SPHKAP: variants seen among roughly 807,000 people sequenced by gnomAD.
SPHKAP encodes A-kinase anchor protein SPHKAP.
Under a neutral mutation model 137.5 loss-of-function variants are expected in SPHKAP, and 67 were observed. The observed-to-expected ratio is 0.49, with a 90% CI of 0.40 to 0.60. The LOEUF is 0.60. Among genes scored for constraint, SPHKAP ranks in the 20% least tolerant of loss-of-function variants. The probability of loss-of-function intolerance (pLI) is 0.00; values close to 1 mark genes in which losing one functional copy is unlikely to be tolerated. For synonymous variants in SPHKAP, 813 were observed against 785.3 expected (o/e 1.04, Z -0.59); for missense variants, 2,097 against 2,069.3 (o/e 1.01, Z -0.26).
chr2:228,109,309 A>C (rs557186505), intron 2 of SPHKAP: 1 of 925,182 alleles, frequency 1.1e-6, no homozygotes, highest in Non-Finnish European at 1.3e-6. Context: ...ACACTCCATA[A>C]GTATTTTCAA....
chr2:227,996,488 CTGAT>C (rs1693645339), intron 7 of SPHKAP, among the ~76,000 whole-genome samples: 1 of 152,182 alleles, frequency 6.6e-6, no homozygotes, highest in East Asian at 1.9e-4. Context: ...ATAGCTGGCT[CTGAT>C]TGATTTCCTG....
intron 7 of SPHKAP, among the ~76,000 whole-genome samples, chr2:228,001,260 C>CAT (rs199962441): frequency 0.16 from 21,487 of 133,930 alleles, 1,669 homozygotes; most frequent in South Asian, 0.18. Context: ...CACACACACA[C>CAT]ACATATATAA....
At chr2:228,070,286 T>G (rs60972972) in intron 3 of SPHKAP, among the ~76,000 whole-genome samples, 2,809 of 152,278 alleles carry the variant, frequency 0.018, 83 homozygotes, top group African/African-American at 0.062. Context: ...ATGTCGAATA[T>G]GCTGAGGAGG....
At chr2:228,065,269 A>C (rs957893516) in intron 3 of SPHKAP, among the ~76,000 whole-genome samples, 2 of 152,184 alleles carry the variant, frequency 1.3e-5, no homozygotes, top group African/African-American at 2.4e-5. Flanking sequence ...TTTCCAACAC[A>C]CATGAAACAG....
At chr2:228,168,430 G>A (rs4325741) in intron 1 of SPHKAP, among the ~76,000 whole-genome samples, 147,603 of 152,238 alleles carry the variant, frequency 0.97, 71,724 homozygotes, top group East Asian at 1. Context: ...TGTGTGTTAC[G>A]TTTTGAAAAT....
chr2:228,103,427 T>C (rs1277385852), intron 3 of SPHKAP, among the ~76,000 whole-genome samples: 3 of 152,196 alleles, frequency 2.0e-5, no homozygotes, highest in Non-Finnish European at 4.4e-5. Flanking sequence ...GTAGGTCCCT[T>C]CTGCACCCAC....
At chr2:228,052,010 A>G (rs1003367368) in intron 3 of SPHKAP, among the ~76,000 whole-genome samples, 8 of 152,172 alleles carry the variant, frequency 5.3e-5, no homozygotes, top group South Asian at 2.1e-4. Flanking sequence ...TGACACAAAC[A>G]TTTAGACCAT....
chr2:227,998,401 C>T (rs1031738107), intron 7 of SPHKAP, among the ~76,000 whole-genome samples: 1 of 152,190 alleles, frequency 6.6e-6, no homozygotes, highest in Admixed American at 6.5e-5. Context: ...AATTTGTCTG[C>T]AGACTACTTA....
intron 7 of SPHKAP, among the ~76,000 whole-genome samples, chr2:227,999,456 T>C (rs187510830): frequency 9.7e-4 from 147 of 152,278 alleles, no homozygotes; most frequent in African/African-American, 3.2e-3. Flanking sequence ...AAGAACCAGA[T>C]ACAAAGGAGA....
chr2:228,159,174 T>C lies in SPHKAP; in HGVS notation c.32+22393A>G, dbSNP rs569136679. On this transcript the variant is annotated intron_variant, in intron 1 of 11. Coordinates refer to ENST00000392056, the MANE Select transcript of SPHKAP (RefSeq NM_001142644.2). ...CAGACACTGTCCAGTTTCCTAAATA[T>C]GGTGTGAAGGCAAAAATTGTACCAA... 2.0e-4 allele frequency among the ~76,000 whole-genome samples: 31 copies of C among 152,258 alleles called. No individual in the cohort carries two copies. In the South Asian group the frequency reaches 5.8e-3, roughly 29 times the overall value.
intron 3 of SPHKAP, among the ~76,000 whole-genome samples, chr2:228,089,625 C>T (rs1377655856): frequency 6.6e-6 from 1 of 152,208 alleles, no homozygotes; most frequent in African/African-American, 2.4e-5. Context: ...CTTCCCATCA[C>T]AGGCCCAGAG....
chr2:228,140,294 C>T (rs1487467110), intron 1 of SPHKAP, among the ~76,000 whole-genome samples: 2 of 150,480 alleles, frequency 1.3e-5, no homozygotes, highest in African/African-American at 4.9e-5. Context: ...ATATATTTTT[C>T]AGATAGTCAA....
chr2:228,156,730 G>A (rs1257366940), intron 1 of SPHKAP, among the ~76,000 whole-genome samples: 2 of 152,108 alleles, frequency 1.3e-5, no homozygotes, highest in African/African-American at 4.8e-5. Flanking sequence ...CATGGGAGTA[G>A]GTCTTTTCTG....
intron 7 of SPHKAP, among the ~76,000 whole-genome samples, chr2:227,998,412 C>G (rs1180037715): frequency 1.3e-5 from 2 of 152,124 alleles, no homozygotes; most frequent in African/African-American, 4.8e-5. Context: ...AGACTACTTA[C>G]AAGGTCATCA....
At chr2:228,116,697 G>C (rs1698721682) in intron 2 of SPHKAP, among the ~76,000 whole-genome samples, 1 of 152,108 alleles carries the variant, frequency 6.6e-6, no homozygotes, top group Non-Finnish European at 1.5e-5. Flanking sequence ...AGTTTTATGG[G>C]CTTTTTGCCA....
chr2:228,023,121 T>C (rs1426461616), intron 5 of SPHKAP, among the ~76,000 whole-genome samples: 1 of 152,232 alleles, frequency 6.6e-6, no homozygotes, highest in Non-Finnish European at 1.5e-5. Flanking sequence ...ACATTGTCAC[T>C]ATTCATATTA....
chr2:228,025,647 TACC>T, intron 4 of SPHKAP, 119 bp from the exon 5 acceptor site: 1 of 1,188,610 alleles, frequency 8.4e-7, no homozygotes, highest in South Asian at 2.2e-5. Context: ...CTGCTTAATC[TACC>T]AAGATTCTTA....
chr2:228,003,750 T>C (rs921122787), intron 7 of SPHKAP, among the ~76,000 whole-genome samples: 8 of 152,164 alleles, frequency 5.3e-5, no homozygotes, highest in African/African-American at 1.9e-4. Flanking sequence ...AATACCTAAT[T>C]TATTGAGAGT....
At position 228,061,243 on chromosome 2, in the gene SPHKAP, T is replaced by A. The variant is rs566441266; in HGVS notation, c.247-33700A>T. 2.5e-4 allele frequency among the ~76,000 whole-genome samples: 38 copies of A among 151,218 alleles called. No homozygotes were observed. In the South Asian group the frequency reaches 7.8e-3, roughly 31 times the overall value. ...AAGTCAATTCACTTTACTATTATTA[T>A]CATTATTATTTTATTTTATTTATTT... On this transcript the variant is annotated intron_variant, in intron 3 of 11. Coordinates refer to ENST00000392056, the MANE Select transcript of SPHKAP (RefSeq NM_001142644.2).
Sources: allele counts gnomAD v4.1 joint callset (sites outside exome capture counted in the v4.1 genomes callset), GRCh38; gene constraint gnomAD v4.1.1; transcripts MANE v1.5; gene names NCBI Gene and HGNC (gene_info 2026-07-23, HGNC 2026-07-21).